DOCK5: variants seen among roughly 807,000 people sequenced by gnomAD.
DOCK5 encodes the protein dedicator of cytokinesis 5, also known as dedicator of cytokinesis protein 5.
DOCK5 carries 142 observed loss-of-function variants against 251.8 expected under a neutral mutation model. That is an observed-to-expected ratio of 0.56 (90% CI 0.49 to 0.65). The LOEUF (loss-of-function observed/expected upper bound fraction) is 0.65, where lower values mean the gene tolerates loss of function less well. Among genes scored for constraint, DOCK5 ranks in the 30% least tolerant of loss-of-function variants. DOCK5 has a pLI of 0.00. For synonymous variants in DOCK5, 842 were observed against 835.5 expected (o/e 1.01, Z -0.13); for missense variants, 2,111 against 2,312.3 (o/e 0.91, Z 1.79).
Position 25,351,730 on chromosome 8 carries a change from G to T in DOCK5, c.2755-1G>T. The T allele has an allele frequency of 1.2e-6, 2 of 1,612,706 alleles. No individual in the cohort carries two copies. Among genetic ancestry groups the T allele is most frequent in the Non-Finnish European group, 8.5e-7 (1 of 1,179,184 alleles). ...GGAGTCAAATCCTGTGTTCCCTGCA[G>T]GGTGCCACTGCGGTGCACATTCAGC... On this transcript the variant is annotated splice_acceptor_variant, in intron 26 of 51. Coordinates refer to ENST00000276440, the MANE Select transcript of DOCK5 (RefSeq NM_024940.8). LOFTEE classifies it high-confidence loss of function.
intron 1 of DOCK5, among the ~76,000 whole-genome samples, chr8:25,223,573 C>G (rs891398053): frequency 5.9e-5 from 9 of 152,210 alleles, no homozygotes; most frequent in African/African-American, 2.2e-4. Flanking sequence ...TCTTGGCCTC[C>G]TACCATGCTG....
At chr8:25,312,934 AAG>A (rs1805141359) in intron 13 of DOCK5, among the ~76,000 whole-genome samples, 1 of 152,096 alleles carries the variant, frequency 6.6e-6, no homozygotes, top group South Asian at 2.1e-4. Flanking sequence ...CATCTCAAAA[AAG>A]AGAAAAAAAT....
At chr8:25,296,426 G>A in intron 6 of DOCK5, 87 bp from the exon 7 acceptor site, 1 of 1,497,632 alleles carries the variant, frequency 6.7e-7, no homozygotes, top group Non-Finnish European at 9.0e-7. Context: ...TTCTAACTAT[G>A]GATCCTCTGG....
chr8:25,345,366 T>G (rs1218969956), intron 25 of DOCK5, 109 bp from the exon 26 acceptor site: 1 of 1,494,112 alleles, frequency 6.7e-7, no homozygotes, highest in Non-Finnish European at 9.1e-7. Context: ...CAGGGCTGAT[T>G]GCAGAGCTTA....
Position 25,254,792 on chromosome 8 carries a change from A to C in DOCK5, c.127+11035A>C, listed in dbSNP as rs1310700699. Among the ~76,000 whole-genome samples, 686 of 134,682 alleles carry C rather than the reference A, an allele frequency of 5.1e-3. 116 individuals are homozygous for C. The highest frequency in any genetic ancestry group is 0.02 in the African/African-American group (657 of 32,280). 88.4% of individuals were successfully genotyped at this position (134,682 alleles called of 152,430 possible). A position where few individuals can be genotyped will look rare whatever the true frequency, so the allele number is the denominator to read the frequency against. ...TTGTCTCAAAAAAAAACAAAACAAA[A>C]CAAAAAAAAAAAACATTTGATAAAG... On this transcript the variant is annotated intron_variant, in intron 2 of 51. Coordinates refer to ENST00000276440, the MANE Select transcript of DOCK5 (RefSeq NM_024940.8).
intron 40 of DOCK5, among the ~76,000 whole-genome samples, chr8:25,385,085 A>C (rs925030): frequency 0.57 from 86,275 of 151,966 alleles, 25,046 homozygotes; most frequent in South Asian, 0.69. Flanking sequence ...CAGTGCCTTG[A>C]AAGGAAGGGC....
chr8:25,250,540 A>T (rs1308430325), intron 2 of DOCK5, among the ~76,000 whole-genome samples: 1 of 152,112 alleles, frequency 6.6e-6, no homozygotes, highest in Non-Finnish European at 1.5e-5. Flanking sequence ...AAGTGCACTG[A>T]CTTCTGGAGA....
chr8:25,219,947 A>G (rs944917621), intron 1 of DOCK5, among the ~76,000 whole-genome samples: 6 of 151,512 alleles, frequency 4.0e-5, no homozygotes, highest in African/African-American at 7.3e-5. Context: ...CATTTTGTAT[A>G]TTCTTTGTGA....
chr8:25,230,482 C>T (rs1802641944), intron 1 of DOCK5, among the ~76,000 whole-genome samples: 1 of 152,150 alleles, frequency 6.6e-6, no homozygotes, highest in South Asian at 2.1e-4. Context: ...TCATTATGAT[C>T]CTCTCCTGCA....
intron 1 of DOCK5, among the ~76,000 whole-genome samples, chr8:25,199,808 A>G (rs560840224): frequency 4.0e-5 from 6 of 151,824 alleles, no homozygotes; most frequent in African/African-American, 1.5e-4. Flanking sequence ...AAATGGGGCA[A>G]TATCTACCCA....
At chr8:25,289,749 G>A (rs1053669464) in intron 5 of DOCK5, among the ~76,000 whole-genome samples, 12 of 151,944 alleles carry the variant, frequency 7.9e-5, no homozygotes, top group Non-Finnish European at 1.3e-4. Flanking sequence ...GGCTGAGGCA[G>A]GAGAATCACT....
chr8:25,293,814 G>T (rs1446711441), intron 6 of DOCK5, among the ~76,000 whole-genome samples: 2 of 152,082 alleles, frequency 1.3e-5, no homozygotes, highest in African/African-American at 2.4e-5. Flanking sequence ...GACCAACCTG[G>T]CCAACATGAT....
At position 25,212,645 on chromosome 8, in the gene DOCK5, C is replaced by T. The variant is rs1299302883; in HGVS notation, c.43+27694C>T. On this transcript the variant is annotated intron_variant, in intron 1 of 51. Coordinates refer to ENST00000276440, the MANE Select transcript of DOCK5 (RefSeq NM_024940.8). ...TGAAAGGAAATATCCAGATGTGTCA[C>T]GTGACTGTGACCAATTCATCTGAAG... Among the ~76,000 whole-genome samples the T allele has an allele frequency of 5.6e-5, 4 of 71,096 alleles. 2 individuals carry two copies. Among genetic ancestry groups the T allele is most frequent in the Non-Finnish European group, 1.8e-4 (4 of 21,694 alleles). 46.6% of individuals were successfully genotyped at this position (71,096 alleles called of 152,430 possible).
intron 2 of DOCK5, among the ~76,000 whole-genome samples, chr8:25,259,659 C>T (rs1803519006): frequency 6.6e-6 from 1 of 152,116 alleles, no homozygotes; most frequent in South Asian, 2.1e-4. Flanking sequence ...CAAGGTCTTA[C>T]TATGTTGCCC....
At chr8:25,352,376 A>G (rs1000480031) in intron 27 of DOCK5, among the ~76,000 whole-genome samples, 1 of 152,136 alleles carries the variant, frequency 6.6e-6, no homozygotes, top group African/African-American at 2.4e-5. Flanking sequence ...GAAGAAACCA[A>G]ACATTTTAAA....
intron 26 of DOCK5, among the ~76,000 whole-genome samples, chr8:25,348,117 C>A (rs936628632): frequency 6.6e-6 from 1 of 152,148 alleles, no homozygotes; most frequent in African/African-American, 2.4e-5. Context: ...AATATGTGCA[C>A]TAGTTCAATA....
chr8:25,337,412 T>A (rs935160037), intron 22 of DOCK5, among the ~76,000 whole-genome samples: 36 of 151,872 alleles, frequency 2.4e-4, no homozygotes, highest in African/African-American at 8.2e-4. Context: ...AAAAAGAAGA[T>A]TTTTAAGGGA....
chr8:25,213,982 A>T (rs1460307796), intron 1 of DOCK5, among the ~76,000 whole-genome samples: 12 of 152,126 alleles, frequency 7.9e-5, no homozygotes, highest in Non-Finnish European at 1.8e-4. Context: ...CATCTTGGGG[A>T]TGGGACCCAA....
intron 13 of DOCK5, among the ~76,000 whole-genome samples, chr8:25,311,913 C>T (rs112350677): frequency 0.031 from 4,619 of 150,220 alleles, 98 homozygotes; most frequent in East Asian, 0.067. Context: ...CAGAGCAAGA[C>T]TCTGCCTCCA....
Sources: gnomAD v4.1 joint callset for allele counts (sites outside exome capture counted in the v4.1 genomes callset) on GRCh38, gnomAD v4.1.1 for gene constraint, MANE v1.5 for transcripts, NCBI Gene and HGNC (gene_info 2026-07-23, HGNC 2026-07-21) for gene names.